The following SYN3 variants were observed in gnomAD, a reference collection of about 807,000 sequenced individuals.
SYN3 encodes the protein synapsin-3.
Under a neutral mutation model 65.8 loss-of-function variants are expected in SYN3, and 35 were observed. That is an observed-to-expected ratio of 0.53 (90% CI 0.41 to 0.70). The LOEUF (loss-of-function observed/expected upper bound fraction) is 0.70, where lower values mean the gene tolerates loss of function less well. Among genes scored for constraint, SYN3 ranks in the 30% least tolerant of loss-of-function variants. SYN3 has a pLI of 0.00. For synonymous variants in SYN3, 270 were observed against 292.9 expected (o/e 0.92, Z 0.80); for missense variants, 680 against 749.0 (o/e 0.91, Z 1.08).
At chr22:33,037,461 C>A (rs180869054) in intron 1 of SYN3, among the ~76,000 whole-genome samples, 1 of 152,228 alleles carries the variant, frequency 6.6e-6, no homozygotes, top group Non-Finnish European at 1.5e-5. Context: ...TATTTTATTT[C>A]TCTGCTTTCC....
intron 7 of SYN3, among the ~76,000 whole-genome samples, chr22:32,549,625 G>A (rs1365378817): frequency 6.6e-6 from 1 of 152,224 alleles, no homozygotes; most frequent in African/African-American, 2.4e-5. Context: ...CAGGCTGGGT[G>A]CGCAGGCTCA....
At chr22:32,539,275 C>A (rs1378710701) in intron 8 of SYN3, among the ~76,000 whole-genome samples, 1 of 151,916 alleles carries the variant, frequency 6.6e-6, no homozygotes, top group Admixed American at 6.6e-5. Flanking sequence ...TACAGGTGAA[C>A]CATTCTGAGA....
At position 33,000,214 on chromosome 22, in the gene SYN3, A is replaced by T. The variant is rs907360939; in HGVS notation, c.311+6138T>A. ...AACCCCACCTCATTTAAAAACAAAC[A>T]AACTGCTGATTGTCCCCCACCATCC... is the stretch of plus-strand genomic sequence containing the variant. On this transcript the variant is annotated intron_variant, in intron 2 of 13. Transcript: ENST00000358763. Among the ~76,000 whole-genome samples the T allele has an allele frequency of 2.0e-5, 3 of 152,000 alleles. 1 individual carries two copies. Among genetic ancestry groups the T allele is most frequent in the Admixed American group, 2.0e-4 (3 of 15,256 alleles).
intron 3 of SYN3, among the ~76,000 whole-genome samples, chr22:32,933,747 C>T (rs532752229): frequency 6.6e-6 from 1 of 152,256 alleles, no homozygotes; most frequent in Admixed American, 6.5e-5. Context: ...TGGCCCTGTG[C>T]TTTTAACTGC....
chr22:33,039,335 T>C (rs1382472253), intron 1 of SYN3, among the ~76,000 whole-genome samples: 2 of 151,950 alleles, frequency 1.3e-5, no homozygotes, highest in African/African-American at 4.8e-5. Flanking sequence ...TTTATATTTA[T>C]AACATTCTCT....
intron 4 of SYN3, among the ~76,000 whole-genome samples, chr22:32,878,151 A>T (rs970795235): frequency 6.6e-6 from 1 of 152,134 alleles, no homozygotes; most frequent in Non-Finnish European, 1.5e-5. Flanking sequence ...CACCACCCTG[A>T]ACCTCTCATC....
At position 32,679,534 on chromosome 22, in the gene SYN3, A is replaced by AT. The variant is rs1327799849; in HGVS notation, c.712-82799dup. On this transcript the variant is annotated intron_variant, in intron 6 of 13. Transcript: ENST00000358763. Reference sequence around the variant, plus strand: ...TGGATCATACGGTAGTTCTACTTTTATTTTTTTAAGGAACTTCCATACTGT... The same window carrying AT: ...TGGATCATACGGTAGTTCTACTTTTATTTTTTTTAAGGAACTTCCATACTGT... Among the ~76,000 whole-genome samples the AT allele has an allele frequency of 2.2e-4, 34 of 152,094 alleles. No homozygotes were observed. The South Asian group carries it at 6.9e-3, about 31-fold the overall frequency.
At chr22:32,961,354 C>G (rs1486528336) in intron 3 of SYN3, among the ~76,000 whole-genome samples, 3 of 152,144 alleles carry the variant, frequency 2.0e-5, no homozygotes, top group African/African-American at 7.2e-5. Flanking sequence ...TCTCTCTACT[C>G]TTCCAAGGAT....
At chr22:32,598,452 T>C (rs12160339) in intron 6 of SYN3, among the ~76,000 whole-genome samples, 14,187 of 152,198 alleles carry the variant, frequency 0.093, 2,176 homozygotes, top group African/African-American at 0.32. Flanking sequence ...ACAGTTCCCT[T>C]TTAGTCTAGC....
chr22:32,942,894 A>G (rs1022664677), intron 3 of SYN3, among the ~76,000 whole-genome samples: 1 of 152,080 alleles, frequency 6.6e-6, no homozygotes, highest in Non-Finnish European at 1.5e-5. Context: ...AAGTTTAGAG[A>G]AAAAAAGAGT....
chr22:32,532,826 C>T (rs937998038), intron 10 of SYN3, among the ~76,000 whole-genome samples: 3 of 152,008 alleles, frequency 2.0e-5, no homozygotes, highest in Admixed American at 6.5e-5. Flanking sequence ...CTCTCCCTCA[C>T]GTGTCCTGGC....
chr22:32,912,136 G>T (rs1018094506), intron 4 of SYN3, among the ~76,000 whole-genome samples: 2 of 152,170 alleles, frequency 1.3e-5, no homozygotes, highest in Non-Finnish European at 2.9e-5. Flanking sequence ...TAATACATGG[G>T]AGCTATACAT....
chr22:32,891,211 T>A lies in SYN3; in HGVS notation c.462-22086A>T, dbSNP rs75846655. Reference sequence around the variant, plus strand: ...GGCAGAGGGCTCTTGAATTGACACGTTGGCCATCTGGGGGGGTCAATTTTG... The same window carrying A: ...GGCAGAGGGCTCTTGAATTGACACGATGGCCATCTGGGGGGGTCAATTTTG... On this transcript the variant is annotated intron_variant, in intron 4 of 13. Transcript: ENST00000358763. 7.7e-3 allele frequency among the ~76,000 whole-genome samples: 1,167 copies of A among 152,282 alleles called. 7 individuals are homozygous for A. Among genetic ancestry groups the A allele is most frequent in the East Asian group, 0.025 (132 of 5,186 alleles).
At chr22:32,866,548 G>T (rs573413588) in intron 5 of SYN3, among the ~76,000 whole-genome samples, 16 of 152,252 alleles carry the variant, frequency 1.1e-4, no homozygotes, top group Admixed American at 1.0e-3. Flanking sequence ...GTAAGATGGA[G>T]ATATTAGCAA....
At chr22:32,886,752 T>C (rs1424709817) in intron 4 of SYN3, among the ~76,000 whole-genome samples, 1 of 152,244 alleles carries the variant, frequency 6.6e-6, no homozygotes, top group East Asian at 1.9e-4. Context: ...TAGTTTTGCC[T>C]GTTCTAGAAT....
intron 6 of SYN3, among the ~76,000 whole-genome samples, chr22:32,677,551 C>A (rs952853085): frequency 6.6e-6 from 1 of 152,162 alleles, no homozygotes; most frequent in Non-Finnish European, 1.5e-5. Flanking sequence ...GTAATCCCAG[C>A]ACTTTGGGAG....
intron 1 of SYN3, among the ~76,000 whole-genome samples, chr22:33,021,179 G>A (rs1219928363): frequency 6.6e-6 from 1 of 152,140 alleles, no homozygotes. Flanking sequence ...GCCTCTTGCA[G>A]CTCAGTGACA....
intron 6 of SYN3, among the ~76,000 whole-genome samples, chr22:32,637,585 T>C (rs2059833393): frequency 6.6e-6 from 1 of 151,816 alleles, no homozygotes; most frequent in Admixed American, 6.6e-5. Flanking sequence ...GTCACTCAGG[T>C]ACTGAGCATA....
intron 6 of SYN3, among the ~76,000 whole-genome samples, chr22:32,648,233 C>T (rs1213752757): frequency 6.6e-6 from 1 of 152,170 alleles, no homozygotes; most frequent in Non-Finnish European, 1.5e-5. Context: ...CCAATATTAG[C>T]AAACCTCCCA....
Sources: gnomAD v4.1 joint callset for allele counts (sites outside exome capture counted in the v4.1 genomes callset) on GRCh38, gnomAD v4.1.1 for gene constraint, MANE v1.5 for transcripts, NCBI Gene and HGNC (gene_info 2026-07-23, HGNC 2026-07-21) for gene names.